RBFOX1: variants seen among roughly 807,000 people sequenced by gnomAD.
The protein encoded by RBFOX1 is RNA binding fox-1 homolog 1, also known as RNA binding protein fox-1 homolog 1.
Under a neutral mutation model 57.7 loss-of-function variants are expected in RBFOX1, and 8 were observed. That is an observed-to-expected ratio of 0.14 (90% confidence interval 0.08 to 0.25). The LOEUF is 0.25. Ranked by LOEUF, RBFOX1 falls within the 10% of genes least tolerant of loss-of-function variation. The pLI is 1.00. For synonymous variants in RBFOX1, 326 were observed against 222.4 expected (o/e 1.47, Z -4.15); for missense variants, 611 against 548.5 (o/e 1.11, Z -1.14).
At chr16:6,045,075 TCCAGGGTTCAGA>T (rs2095481183) in intron 1 of RBFOX1, among the ~76,000 whole-genome samples, 1 of 152,234 alleles carries the variant, frequency 6.6e-6, no homozygotes, top group Non-Finnish European at 1.5e-5. Flanking sequence ...TTCTTAAGCA[TCCAGGGTTCAGA>T]CCAACGGAAC....
chr16:7,172,717 T>C (rs2080939673), intron 4 of RBFOX1, among the ~76,000 whole-genome samples: 1 of 152,130 alleles, frequency 6.6e-6, no homozygotes, highest in African/African-American at 2.4e-5. Flanking sequence ...CACACAATGA[T>C]GAGTTCACCT....
chr16:5,507,008 T>A (rs1254922867), intron 2 of RBFOX1, among the ~76,000 whole-genome samples: 1 of 152,202 alleles, frequency 6.6e-6, no homozygotes, highest in Non-Finnish European at 1.5e-5. Context: ...TCTACCTTTT[T>A]GTTTTCTTCA....
chr16:5,706,671 T>C (rs2051260011), intron 3 of RBFOX1, among the ~76,000 whole-genome samples: 1 of 152,224 alleles, frequency 6.6e-6, no homozygotes, highest in South Asian at 2.1e-4. Context: ...GCAATTCCAA[T>C]ATTTATGTCT....
intron 4 of RBFOX1, among the ~76,000 whole-genome samples, chr16:7,395,114 C>T (rs1434886960): frequency 6.6e-6 from 1 of 151,544 alleles, no homozygotes; most frequent in Non-Finnish European, 1.5e-5. Flanking sequence ...AGTTAGTATC[C>T]AATCTGTAGC....
intron 4 of RBFOX1, among the ~76,000 whole-genome samples, chr16:7,089,152 C>T (rs955419855): frequency 6.6e-6 from 1 of 152,212 alleles, no homozygotes; most frequent in Non-Finnish European, 1.5e-5. Flanking sequence ...TAGTTTTGCA[C>T]AATTTAGTAC....
chr16:6,541,727 TA>T (rs2096822598), intron 2 of RBFOX1, among the ~76,000 whole-genome samples: 1 of 152,124 alleles, frequency 6.6e-6, no homozygotes, highest in Non-Finnish European at 1.5e-5. Flanking sequence ...GCTGCTAAGA[TA>T]GTAGCTGTGG....
intron 3 of RBFOX1, among the ~76,000 whole-genome samples, chr16:6,997,075 A>G: frequency 6.6e-6 from 1 of 152,186 alleles, no homozygotes; most frequent in East Asian, 1.9e-4. Flanking sequence ...GAAAAATAAT[A>G]AAAGCAGGAA....
chr16:7,698,265 C>T (rs910717494), intron 14 of RBFOX1, among the ~76,000 whole-genome samples: 1 of 151,752 alleles, frequency 6.6e-6, no homozygotes, highest in Admixed American at 6.6e-5. Context: ...AGATATGCCC[C>T]TTCCACCATG....
intron 2 of RBFOX1, among the ~76,000 whole-genome samples, chr16:5,519,025 C>T (rs780968363): frequency 3.3e-5 from 5 of 152,072 alleles, no homozygotes; most frequent in Non-Finnish European, 7.4e-5. Context: ...GATGAGAACA[C>T]GAATGTACAG....
intron 3 of RBFOX1, among the ~76,000 whole-genome samples, chr16:5,748,110 T>G (rs1443727652): frequency 2.0e-5 from 3 of 152,224 alleles, no homozygotes; most frequent in African/African-American, 7.2e-5. Flanking sequence ...ACATCTTTAT[T>G]TCTGCCTTCA....
intron 1 of RBFOX1, among the ~76,000 whole-genome samples, chr16:5,295,991 T>A (rs1484831931): frequency 6.6e-6 from 1 of 152,244 alleles, no homozygotes; most frequent in Non-Finnish European, 1.5e-5. Flanking sequence ...CTGTTATTTA[T>A]TATTACTACC....
chr16:5,778,315 C>A (rs1042177183), intron 3 of RBFOX1, among the ~76,000 whole-genome samples: 3 of 152,258 alleles, frequency 2.0e-5, no homozygotes, highest in Admixed American at 6.5e-5. Flanking sequence ...TTTCCATGAT[C>A]TCATCTGATT....
At chr16:5,967,520 C>T (rs2059870332) in intron 4 of RBFOX1, among the ~76,000 whole-genome samples, 1 of 152,108 alleles carries the variant, frequency 6.6e-6, no homozygotes, top group Non-Finnish European at 1.5e-5. Context: ...CTCATTGTTA[C>T]TGAGTTATTC....
intron 3 of RBFOX1, among the ~76,000 whole-genome samples, chr16:6,963,224 A>G (rs1284212628): frequency 2.0e-5 from 3 of 152,018 alleles, no homozygotes; most frequent in Non-Finnish European, 2.9e-5. Flanking sequence ...GTAAAGAGGT[A>G]GCATCAAAAG....
At chr16:7,116,292 C>T (rs1010091884) in intron 4 of RBFOX1, among the ~76,000 whole-genome samples, 2 of 152,128 alleles carry the variant, frequency 1.3e-5, no homozygotes, top group Non-Finnish European at 2.9e-5. Flanking sequence ...CTCTATCTGC[C>T]TCTGAAAGCC....
intron 1 of RBFOX1, among the ~76,000 whole-genome samples, chr16:6,040,661 C>G (rs1337572698): frequency 6.6e-6 from 1 of 151,900 alleles, no homozygotes; most frequent in African/African-American, 2.4e-5. Context: ...GTGGTGCAGT[C>G]TTGACTCATT....
chr16:6,579,931 T>A (rs2097510196), intron 2 of RBFOX1, among the ~76,000 whole-genome samples: 1 of 152,112 alleles, frequency 6.6e-6, no homozygotes, highest in Admixed American at 6.6e-5. Context: ...TATAGGTTCA[T>A]GGACCTGTTC....
At chr16:5,879,614 G>A (rs1211433855) in intron 4 of RBFOX1, among the ~76,000 whole-genome samples, 2 of 152,194 alleles carry the variant, frequency 1.3e-5, no homozygotes, top group Non-Finnish European at 2.9e-5. Context: ...ATAGGCGTGA[G>A]CCACCACGCC....
intron 3 of RBFOX1, among the ~76,000 whole-genome samples, chr16:5,700,707 A>T (rs2051017559): frequency 6.6e-6 from 1 of 152,156 alleles, no homozygotes; most frequent in Admixed American, 6.5e-5. Context: ...CTCCAATTAG[A>T]TGCATGTTAG....
Sources: allele counts gnomAD v4.1 joint callset (sites outside exome capture counted in the v4.1 genomes callset), GRCh38; gene constraint gnomAD v4.1.1; transcripts MANE v1.5; gene names NCBI Gene and HGNC (gene_info 2026-07-23, HGNC 2026-07-21).